CASK: variants seen among roughly 807,000 people sequenced by gnomAD.
The protein encoded by CASK is calcium/calmodulin dependent serine protein kinase.
Under a neutral mutation model 82.9 loss-of-function variants are expected in CASK, and 4 were observed. That is an observed-to-expected ratio of 0.05 (90% CI 0.02 to 0.11). The LOEUF is 0.11. CASK is among the 10% of genes least tolerant of loss of function. CASK has a pLI of 1.00. For synonymous variants in CASK, 259 were observed against 253.5 expected, an observed-to-expected ratio of 1.02 and a Z score of -0.20; for missense variants, 358 against 720.9, an observed-to-expected ratio of 0.50 and a Z score of 5.76.
chrX:41,563,510 G>A (rs1309576069), intron 16 of CASK, among the ~76,000 whole-genome samples: 3 of 108,786 alleles, frequency 2.8e-5, no homozygotes, highest in Non-Finnish European at 5.7e-5. Context: ...ATAATGAAGA[G>A]AATGAACCAA....
chrX:41,872,842 A>ACT (rs1481865648), intron 1 of CASK, among the ~76,000 whole-genome samples: 25 of 110,565 alleles, frequency 2.3e-4, no homozygotes, highest in African/African-American at 7.9e-4. Flanking sequence ...AGTTTCTCAG[A>ACT]CTTACCTTGT....
At chrX:41,831,505 T>C (rs967173307) in intron 2 of CASK, among the ~76,000 whole-genome samples, 1 of 112,407 alleles carries the variant, frequency 8.9e-6, no homozygotes, top group South Asian at 3.7e-4. Flanking sequence ...AAGGAGAATA[T>C]GCTTACTGAC....
chrX:41,761,618 C>A (rs1380997142), intron 3 of CASK, among the ~76,000 whole-genome samples: 1 of 111,915 alleles, frequency 8.9e-6, no homozygotes, highest in Non-Finnish European at 1.9e-5. Context: ...GAAGCACAAG[C>A]ATAGGTATTT....
chrX:41,912,300 G>GTTTTTTTTTTTTTTTTT (rs774775542), intron 1 of CASK, among the ~76,000 whole-genome samples: 1 of 53,170 alleles, frequency 1.9e-5, no homozygotes, highest in Admixed American at 2.6e-4. Flanking sequence ...TTTGTTTTCT[G>GTTTTTTTTTTTTTTTTT]TTTTTTTTTT....
chrX:41,896,520 T>C (rs2072273614), intron 1 of CASK, among the ~76,000 whole-genome samples: 1 of 112,228 alleles, frequency 8.9e-6, no homozygotes, highest in Non-Finnish European at 1.9e-5. Flanking sequence ...AACAAAATCT[T>C]GAAGCTATAT....
chrX:41,784,549 A>C (rs1382834619), intron 3 of CASK, among the ~76,000 whole-genome samples: 2 of 111,985 alleles, frequency 1.8e-5, no homozygotes, highest in Non-Finnish European at 3.8e-5. Flanking sequence ...CCATACAGTG[A>C]ATGAGATAAA....
chrX:41,696,889 G>T lies in CASK; in HGVS notation c.430-25359C>A, dbSNP rs2067700359. 1.1e-5 allele frequency: 5 copies of T among 455,734 alleles called. No homozygotes were observed. In the East Asian group the frequency reaches 1.5e-4, roughly 14 times the overall value. 37.6% of individuals were successfully genotyped at this position (455,734 alleles called of 1,213,427 possible). A position where few individuals can be genotyped will look rare whatever the true frequency, so the allele number is the denominator to read the frequency against. On this transcript the variant is annotated intron_variant, in intron 5 of 26. Transcript: ENST00000378163. ...TACAAAACTCAGATCTCAAAGCTCT[G>T]CTTGTATTTGTGATATTTCATTTGC...
At chrX:41,759,561 G>A (rs1239289158) in intron 3 of CASK, among the ~76,000 whole-genome samples, 2 of 111,101 alleles carry the variant, frequency 1.8e-5, no homozygotes, top group African/African-American at 6.5e-5. Flanking sequence ...TAAAATGAGG[G>A]ATTCTCCAAA....
At chrX:41,865,150 C>T (rs768337424) in intron 1 of CASK, among the ~76,000 whole-genome samples, 49 of 111,705 alleles carry the variant, frequency 4.4e-4, no homozygotes, top group African/African-American at 1.5e-3. Context: ...TCACTTTTAA[C>T]GAGTTTCCCA....
chrX:41,785,480 T>C lies in CASK; in HGVS notation c.278+1698A>G, dbSNP rs182569911. ...GAGTATGACTTTGTTCTGAATACTATATACTCCTAATTAATGTAGCATAAC... is the reference window on the plus strand; with the variant it reads ...GAGTATGACTTTGTTCTGAATACTACATACTCCTAATTAATGTAGCATAAC... On this transcript the variant is annotated intron_variant, in intron 3 of 26. Transcript: ENST00000378163. Among the ~76,000 whole-genome samples, 4 of 112,159 alleles carry C rather than the reference T, an allele frequency of 3.6e-5. No individual in the cohort carries two copies. In the East Asian group the frequency reaches 1.1e-3, roughly 31 times the overall value.
chrX:41,576,551 G>C lies in CASK; in HGVS notation c.1503+1789C>G, dbSNP rs191945865. ...ATGTAGCCAGCCCTGTGGAACGTGAGCTCTAGTAAGGGGCAGTGTCTTATC... is the reference window on the plus strand; with the variant it reads ...ATGTAGCCAGCCCTGTGGAACGTGACCTCTAGTAAGGGGCAGTGTCTTATC... On this transcript the variant is annotated intron_variant, in intron 15 of 26. Coordinates refer to ENST00000378163, the MANE Select transcript of CASK (RefSeq NM_001367721.1). Among the ~76,000 whole-genome samples, 29 of 111,970 alleles carry C rather than the reference G, an allele frequency of 2.6e-4. 1 individual carries two copies. The highest frequency in any genetic ancestry group is 7.5e-5 in the Non-Finnish European group (4 of 53,253).
At chrX:41,559,988 T>A (rs1321508051) in intron 17 of CASK, 141 bp from the exon 18 acceptor site, 2 of 520,090 alleles carry the variant, frequency 3.8e-6, no homozygotes, top group Non-Finnish European at 6.6e-6. Context: ...TGAAATGTAG[T>A]CATGAAGCAG....
intron 2 of CASK, among the ~76,000 whole-genome samples, chrX:41,812,738 C>T (rs946428285): frequency 1.8e-5 from 2 of 111,132 alleles, no homozygotes; most frequent in Non-Finnish European, 3.8e-5. Flanking sequence ...AAGTTCTGGC[C>T]AGGGTAATCA....
chrX:41,682,813 T>G (rs1437622079), intron 5 of CASK, among the ~76,000 whole-genome samples: 1 of 109,946 alleles, frequency 9.1e-6, no homozygotes, highest in Non-Finnish European at 1.9e-5. Flanking sequence ...GAGTGTCTCG[T>G]TATGTTGCCC....
At chrX:41,812,743 T>C (rs1423793287) in intron 2 of CASK, among the ~76,000 whole-genome samples, 5 of 111,030 alleles carry the variant, frequency 4.5e-5, no homozygotes, top group Non-Finnish European at 9.4e-5. Context: ...CTGGCCAGGG[T>C]AATCAGGCAG....
chrX:41,622,462 C>G (rs1225191022), intron 11 of CASK, among the ~76,000 whole-genome samples, 155 bp downstream of exon 11: 1 of 111,954 alleles, frequency 8.9e-6, no homozygotes, highest in African/African-American at 3.2e-5. Context: ...TCAATATATC[C>G]AAGTTTTAAT....
chrX:41,870,125 G>A lies in CASK; in HGVS notation c.60-16898C>T, dbSNP rs188749544. On this transcript the variant is annotated intron_variant, in intron 1 of 26. Transcript: ENST00000378163. ...TCTTTTTATAGAATTTTCATCAGAT[G>A]TGTCTATCTACAAATTCAAGATTCC... 3.6e-5 allele frequency among the ~76,000 whole-genome samples: 4 copies of A among 110,886 alleles called. No individual in the cohort carries two copies. The Admixed American group carries it at 3.9e-4, about 11-fold the overall frequency.
In CASK at chrX:41,923,022, G is replaced by A; in HGVS notation, c.-34C>T. The A allele has an allele frequency of 1.7e-6, 2 of 1,191,578 alleles. No individual in the cohort carries two copies. The highest frequency in any genetic ancestry group is 2.3e-6 in the Non-Finnish European group (2 of 877,638). Reference sequence around the variant, plus strand: ...GGGGATAGCGGCCGCAGCGTGGAGGGCTTCGAAAACGGGGGTGGGGGCGCC... The same window carrying A: ...GGGGATAGCGGCCGCAGCGTGGAGGACTTCGAAAACGGGGGTGGGGGCGCC... On this transcript the variant is annotated 5_prime_UTR_variant, in exon 1 of 27. Coordinates refer to ENST00000378163, the MANE Select transcript of CASK (RefSeq NM_001367721.1).
At chrX:41,861,826 TATATATACATACA>T (rs1267878252) in intron 1 of CASK, among the ~76,000 whole-genome samples, 8 of 101,987 alleles carry the variant, frequency 7.8e-5, no homozygotes, top group Non-Finnish European at 1.2e-4. Context: ...TGTATATATG[TATATATACATACA>T]ATATATACAT....
Sources: gnomAD v4.1 joint callset for allele counts (sites outside exome capture counted in the v4.1 genomes callset) on GRCh38, gnomAD v4.1.1 for gene constraint, MANE v1.5 for transcripts, NCBI Gene and HGNC (gene_info 2026-07-23, HGNC 2026-07-21) for gene names.